ENOX1: variants seen among roughly 807,000 people sequenced by gnomAD.
The protein encoded by ENOX1 is ecto-NOX disulfide-thiol exchanger 1, also known as candidate growth-related and time keeping constitutive hydroquinone (NADH) oxidase.
A neutral mutation model predicts 82.5 loss-of-function variants in ENOX1; 42 were observed. The observed-to-expected ratio is 0.51, with a 90% CI of 0.40 to 0.66. ENOX1 has a LOEUF of 0.66. Ranked by LOEUF, ENOX1 falls within the 30% of genes least tolerant of loss-of-function variation. ENOX1 has a pLI of 0.00. For synonymous variants in ENOX1, 271 were observed against 282.2 expected (o/e 0.96, Z 0.40); for missense variants, 608 against 811.6 (o/e 0.75, Z 3.05).
chr13:43,503,655 A>T (rs1204425240), intron 2 of ENOX1, among the ~76,000 whole-genome samples: 1 of 151,666 alleles, frequency 6.6e-6, no homozygotes, highest in African/African-American at 2.4e-5. Flanking sequence ...ACATCCATAT[A>T]CAACAGAATG....
intron 11 of ENOX1, among the ~76,000 whole-genome samples, chr13:43,306,916 T>C (rs998499879): frequency 6.6e-6 from 1 of 152,244 alleles, no homozygotes; most frequent in Non-Finnish European, 1.5e-5. Flanking sequence ...TGTGAAATGA[T>C]GGCCAGCTCA....
chr13:43,726,271 C>A (rs2088950463), intron 1 of ENOX1, among the ~76,000 whole-genome samples: 1 of 143,836 alleles, frequency 7.0e-6, no homozygotes. Flanking sequence ...CTTGAGTGTG[C>A]AGTGGTGTGA....
At chr13:43,547,375 C>T (rs2079016863) in intron 2 of ENOX1, 1 of 152,138 alleles carries the variant, frequency 6.6e-6, no homozygotes, top group South Asian at 2.1e-4. Context: ...AACAGAGAGC[C>T]CTGTGGAAGA....
intron 2 of ENOX1, among the ~76,000 whole-genome samples, chr13:43,659,832 A>G (rs2084633711): frequency 6.6e-6 from 1 of 152,204 alleles, no homozygotes; most frequent in Non-Finnish European, 1.5e-5. Flanking sequence ...CTGTAGGCTA[A>G]GGAGCAGAGA....
At chr13:43,214,209 T>C (rs2041339131) in intron 16 of ENOX1, 88 bp from the exon 17 acceptor site, 23 of 1,386,882 alleles carry the variant, frequency 1.7e-5, no homozygotes, top group Non-Finnish European at 2.2e-5. Context: ...TTCCCAGTGA[T>C]ATGAACAGCA....
In ENOX1 at chr13:43,669,078, C is replaced by T. The variant is rs367821270; in HGVS notation, c.-284-1534G>A. Among the ~76,000 whole-genome samples, 4 of 152,302 alleles carry T rather than the reference C, an allele frequency of 2.6e-5. No homozygotes were observed. The East Asian group carries it at 5.8e-4, about 22-fold the overall frequency. ...AACACAAGATGCACTACTCAGAAGT[C>T]GGCTGCAAACTGCAAGGGGGCAGGA... On this transcript the variant is annotated intron_variant, in intron 1 of 16. Transcript: ENST00000690772.
intron 3 of ENOX1, among the ~76,000 whole-genome samples, chr13:43,436,822 TA>T (rs1445305159): frequency 2.6e-5 from 4 of 152,036 alleles, no homozygotes; most frequent in African/African-American, 9.7e-5. Flanking sequence ...CTAATAAGTG[TA>T]AGAGAGATTT....
chr13:43,429,322 T>C (rs1368490753), intron 3 of ENOX1, among the ~76,000 whole-genome samples: 1 of 152,230 alleles, frequency 6.6e-6, no homozygotes, highest in Non-Finnish European at 1.5e-5. Flanking sequence ...AGAAATGCTT[T>C]CGACTACGAT....
chr13:43,666,364 T>C (rs992180263), intron 2 of ENOX1, among the ~76,000 whole-genome samples: 1 of 152,200 alleles, frequency 6.6e-6, no homozygotes, highest in African/African-American at 2.4e-5. Context: ...GTGACATTTT[T>C]AGAAATAGAG....
chr13:43,736,722 G>T (rs569880144), intron 1 of ENOX1, among the ~76,000 whole-genome samples: 106 of 152,318 alleles, frequency 7.0e-4, no homozygotes, highest in African/African-American at 2.5e-3. Context: ...TAGGTGGGAA[G>T]CTCTGCAGAA....
intron 2 of ENOX1, among the ~76,000 whole-genome samples, chr13:43,630,111 G>A (rs1265311573): frequency 6.6e-6 from 1 of 152,132 alleles, no homozygotes; most frequent in Non-Finnish European, 1.5e-5. Flanking sequence ...TTCTCACCAT[G>A]TATGCTTATT....
chr13:43,635,070 G>A (rs1164676680), intron 2 of ENOX1, among the ~76,000 whole-genome samples: 1 of 152,160 alleles, frequency 6.6e-6, no homozygotes, highest in Non-Finnish European at 1.5e-5. Flanking sequence ...AGCAAGGGGA[G>A]AGAAAGGAAT....
chr13:43,471,140 G>A (rs2058048646), intron 3 of ENOX1, among the ~76,000 whole-genome samples: 1 of 152,124 alleles, frequency 6.6e-6, no homozygotes, highest in Non-Finnish European at 1.5e-5. Flanking sequence ...ATACAACTCA[G>A]CAATAGAGAA....
chr13:43,596,774 T>G (rs1329284), intron 2 of ENOX1, among the ~76,000 whole-genome samples: 18,543 of 152,254 alleles, frequency 0.12, 1,475 homozygotes, highest in East Asian at 0.26. Context: ...GTAGTTAGTA[T>G]TATTACTTTG....
chr13:43,556,352 G>A (rs1443645125), intron 2 of ENOX1, among the ~76,000 whole-genome samples: 4 of 151,970 alleles, frequency 2.6e-5, no homozygotes, highest in African/African-American at 4.8e-5. Context: ...TTAAGGATAC[G>A]TATTTCCTCA....
At chr13:43,726,162 AAAAAC>A (rs1294771910) in intron 1 of ENOX1, among the ~76,000 whole-genome samples, 2 of 152,160 alleles carry the variant, frequency 1.3e-5, no homozygotes, top group Non-Finnish European at 2.9e-5. Flanking sequence ...AATACACCAA[AAAAAC>A]AAAACTTTAA....
chr13:43,499,757 C>T (rs1163900888), intron 2 of ENOX1, among the ~76,000 whole-genome samples: 2 of 151,918 alleles, frequency 1.3e-5, no homozygotes, highest in African/African-American at 4.8e-5. Context: ...CAGTAACCAA[C>T]CCTAAAGAAA....
At chr13:43,548,716 G>A (rs992243384) in intron 2 of ENOX1, among the ~76,000 whole-genome samples, 1 of 152,162 alleles carries the variant, frequency 6.6e-6, no homozygotes, top group Non-Finnish European at 1.5e-5. Flanking sequence ...TCCTACAGAT[G>A]TACCACTTGG....
rs150226072 is a variant in ENOX1, at chr13:43,516,332, C to T, written c.-218-32180G>A. On this transcript the variant is annotated intron_variant, in intron 2 of 16. Coordinates refer to ENST00000690772, the MANE Select transcript of ENOX1 (RefSeq NM_001347969.2). ...ATGTAAGTCAGTGGGAAAGCTTCTA[C>T]GGGATCTAAAAATGTGAATTAGACA... Among the ~76,000 whole-genome samples, 14 of 152,240 alleles carry T rather than the reference C, an allele frequency of 9.2e-5. No individual in the cohort carries two copies. The South Asian group carries it at 1.0e-3, about 11-fold the overall frequency.
Sources: allele counts gnomAD v4.1 joint callset (sites outside exome capture counted in the v4.1 genomes callset), GRCh38; gene constraint gnomAD v4.1.1; transcripts MANE v1.5; gene names NCBI Gene and HGNC (gene_info 2026-07-23, HGNC 2026-07-21).